Variants in STRAP observed in about 807,000 individuals in gnomAD.
STRAP encodes the protein serine/threonine kinase receptor associated protein, also known as serine-threonine kinase receptor-associated protein.
A neutral mutation model predicts 47.0 loss-of-function variants in STRAP; 16 were observed. The observed-to-expected ratio is 0.34, with a 90% CI of 0.23 to 0.52. The LOEUF (loss-of-function observed/expected upper bound fraction) is 0.52. Among genes scored for constraint, STRAP ranks in the 20% least tolerant of loss-of-function variants. The pLI is 0.96. For synonymous variants in STRAP, 130 were observed against 142.7 expected, an observed-to-expected ratio of 0.91 and a Z score of 0.63; for missense variants, 293 against 420.0, an observed-to-expected ratio of 0.70 and a Z score of 2.64.
chr12:15,886,822 C>T (rs867708974), intron 2 of STRAP, among the ~76,000 whole-genome samples: 8 of 152,208 alleles, frequency 5.3e-5, no homozygotes, highest in East Asian at 3.9e-4. Flanking sequence ...AATTTGGTCC[C>T]GTTTCTTGTG....
chr12:15,895,340 T>A lies in STRAP; in HGVS notation c.501-19T>A, dbSNP rs1948051124. The stretch of plus-strand genomic sequence containing the variant: ...TTTCTTACATGAGTAAACATCATAT[T>A]TTTATCTTTATTTTGCAGACTTTGG... On this transcript the variant is annotated intron_variant, in intron 5 of 9. Transcript: ENST00000419869. 6.6e-7 allele frequency: 1 copy of A among 1,511,330 alleles called. No homozygotes were observed. Among genetic ancestry groups the A allele is most frequent in the Non-Finnish European group, 8.8e-7 (1 of 1,134,976 alleles). 93.6% of individuals were successfully genotyped at this position (1,511,330 alleles called of 1,614,324 possible). A position where few individuals can be genotyped will look rare whatever the true frequency, so the allele number is the denominator to read the frequency against.
chr12:15,885,752 A>G (rs1947965472), intron 2 of STRAP, among the ~76,000 whole-genome samples: 1 of 152,088 alleles, frequency 6.6e-6, no homozygotes, highest in South Asian at 2.1e-4. Flanking sequence ...CCTGAATTTG[A>G]ATTGGTGGCC....
At chr12:15,889,872 C>T in intron 2 of STRAP, 56 bp from the exon 3 acceptor site, 2 of 1,366,452 alleles carry the variant, frequency 1.5e-6, no homozygotes, top group East Asian at 2.5e-5. Context: ...TTGTATTTAT[C>T]CTTTTAATAT....
chr12:15,886,231 C>G (rs1262351252), intron 2 of STRAP, among the ~76,000 whole-genome samples: 2 of 151,602 alleles, frequency 1.3e-5, no homozygotes, highest in African/African-American at 2.4e-5. Context: ...TCTTAGGTGC[C>G]TAGGCTAGAG....
chr12:15,897,621 G>A (rs1185538215), intron 6 of STRAP, among the ~76,000 whole-genome samples: 1 of 151,870 alleles, frequency 6.6e-6, no homozygotes, highest in African/African-American at 2.4e-5. Flanking sequence ...ACTCATTTCC[G>A]GGAAGACATC....
intron 4 of STRAP, 73 bp from the exon 5 acceptor site, chr12:15,893,974 A>G: frequency 1.7e-6 from 2 of 1,185,412 alleles, no homozygotes; most frequent in South Asian, 1.3e-5. Context: ...TTAAAAATAT[A>G]TAATTGTTCC....
chr12:15,897,718 T>G (rs1394419404), intron 6 of STRAP, among the ~76,000 whole-genome samples, 164 bp from the exon 7 acceptor site: 1 of 151,658 alleles, frequency 6.6e-6, no homozygotes, highest in Non-Finnish European at 1.5e-5. Context: ...ATTTGATTTT[T>G]TTTTTTTTTT....
At chr12:15,891,917 G>T (rs1021064862) in intron 4 of STRAP, among the ~76,000 whole-genome samples, 1 of 151,526 alleles carries the variant, frequency 6.6e-6, no homozygotes, top group Non-Finnish European at 1.5e-5. Context: ...CAGCCTGGGG[G>T]ACAAGAGCAA....
chr12:15,900,947 A>G lies in STRAP; in HGVS notation c.926A>G (p.Glu309Gly). 3 of 1,586,672 alleles carry G rather than the reference A, an allele frequency of 1.9e-6. No individual in the cohort carries two copies. Among genetic ancestry groups the G allele is most frequent in the Non-Finnish European group, 2.6e-6 (3 of 1,167,858 alleles). ...TYGLWKCVLP[E>G]EDSGELAKPK... Reference sequence around the variant, plus strand: ...ATCGTCATTGCTTTTCTTTTTACAGAAGAAGATAGTGGTGAGCTGGCAAAG... The same window carrying G: ...ATCGTCATTGCTTTTCTTTTTACAGGAGAAGATAGTGGTGAGCTGGCAAAG... Residue 309 changes from glutamate to glycine, a missense_variant and splice_region_variant, in exon 9 of 10, where the codon GAA becomes GGA. Coordinates refer to ENST00000419869, the MANE Select transcript of STRAP (RefSeq NM_007178.4).
At chr12:15,901,325 G>A (rs138804336) in intron 9 of STRAP, among the ~76,000 whole-genome samples, 1 of 152,256 alleles carries the variant, frequency 6.6e-6, no homozygotes, top group East Asian at 1.9e-4. Flanking sequence ...AAGCTTCCTA[G>A]AGAAGTGACA....
In STRAP at chr12:15,899,930, A is replaced by G. The variant is rs1167800635; in HGVS notation, c.802A>G (p.Ile268Val). The part of the protein sequence containing the change: ...LESYKGHFGP[I>V]HCVRFSPDGE... ...ATCCTACAAGGGACACTTTGGTCCTATTCACTGTGTGAGATTTAGTCCTGA... is the reference window on the plus strand; with the variant it reads ...ATCCTACAAGGGACACTTTGGTCCTGTTCACTGTGTGAGATTTAGTCCTGA... The change falls in exon 8 of 10, where the codon ATT (isoleucine) becomes GTT (valine). Residue 268 changes from isoleucine to valine, a missense_variant. Ile to Val is a conservative substitution (Grantham distance 29). Transcript: ENST00000419869. 3 of 1,613,322 alleles carry G rather than the reference A, an allele frequency of 1.9e-6. No individual in the cohort carries two copies. The highest frequency in any genetic ancestry group is 1.3e-5 in the African/African-American group (1 of 74,878).
chr12:15,883,393 C>T, intron 1 of STRAP, 148 bp from the exon 2 acceptor site: 1 of 885,438 alleles, frequency 1.1e-6, no homozygotes, highest in Non-Finnish European at 1.7e-6. Flanking sequence ...ACTGCACATT[C>T]CTTAGTGCCT....
In STRAP at chr12:15,890,958, G is replaced by T. The variant is rs1226669737; in HGVS notation, c.403+289G>T. Among the ~76,000 whole-genome samples, 1 of 152,004 alleles carries T rather than the reference G, an allele frequency of 6.6e-6. No individual in the cohort carries two copies. Among genetic ancestry groups the T allele is most frequent in the Non-Finnish European group, 1.5e-5 (1 of 68,014 alleles). ...GCTTGTAATCCCAGCTACTTGGGAG[G>T]CTGAGGCAGGAGAATCGCTTGAACC... On this transcript the variant is annotated intron_variant, in intron 4 of 9. Transcript: ENST00000419869. This position sits in a 1 kb window ranked among gnomAD's most constrained non-coding sequence, Gnocchi z 4.5.
chr12:15,892,201 A>G (rs534072939), intron 4 of STRAP, among the ~76,000 whole-genome samples: 17 of 151,912 alleles, frequency 1.1e-4, no homozygotes, highest in Non-Finnish European at 2.1e-4. Context: ...TTGTCCATTT[A>G]TCTGTTGTGT....
chr12:15,888,515 T>G (rs948403341), intron 2 of STRAP, among the ~76,000 whole-genome samples: 1 of 152,198 alleles, frequency 6.6e-6, no homozygotes, highest in African/African-American at 2.4e-5. Flanking sequence ...TGACCCACAT[T>G]ATTAAATATT....
intron 2 of STRAP, among the ~76,000 whole-genome samples, chr12:15,884,318 A>G (rs915284740): frequency 6.6e-6 from 1 of 151,826 alleles, no homozygotes; most frequent in Admixed American, 6.6e-5. Flanking sequence ...TTTTCCTCCT[A>G]TTCATTTTCC....
At chr12:15,893,061 G>A (rs1005153701) in intron 4 of STRAP, among the ~76,000 whole-genome samples, 9 of 152,202 alleles carry the variant, frequency 5.9e-5, no homozygotes, top group Non-Finnish European at 1.5e-5. Flanking sequence ...CATGCCCAAA[G>A]GTGAAAATAG....
intron 6 of STRAP, among the ~76,000 whole-genome samples, chr12:15,897,577 G>A (rs7134210): frequency 0.087 from 13,271 of 152,074 alleles, 1,917 homozygotes; most frequent in African/African-American, 0.3. Flanking sequence ...AAAAATCCCA[G>A]TGTATTATTC....
chr12:15,886,050 A>T (rs1947968141), intron 2 of STRAP, among the ~76,000 whole-genome samples: 1 of 151,824 alleles, frequency 6.6e-6, no homozygotes. Context: ...GTCAAGAAGG[A>T]AGATTTTTGT....
Sources: gnomAD v4.1 joint callset for allele counts (sites outside exome capture counted in the v4.1 genomes callset) on GRCh38, gnomAD v4.1.1 for gene constraint, Gnocchi (gnomAD v3.1) non-coding constraint, MANE v1.5 for transcripts, NCBI Gene and HGNC (gene_info 2026-07-23, HGNC 2026-07-21) for gene names.